SHANK2: variants seen among roughly 807,000 people sequenced by gnomAD.
The protein encoded by SHANK2 is SH3 and multiple ankyrin repeat domains 2.
SHANK2 carries 43 observed loss-of-function variants against 133.7 expected under a neutral mutation model. That is an observed-to-expected ratio of 0.32 (90% CI 0.25 to 0.41). The LOEUF (loss-of-function observed/expected upper bound fraction) is 0.41. Ranked by LOEUF, SHANK2 falls within the 10% of genes least tolerant of loss-of-function variation. The pLI is 1.00. For synonymous variants in SHANK2, 1,017 were observed against 952.8 expected, an observed-to-expected ratio of 1.07 and a Z score of -1.24; for missense variants, 1,994 against 2,235.8, an observed-to-expected ratio of 0.89 and a Z score of 2.18.
intron 8 of SHANK2, among the ~76,000 whole-genome samples, chr11:71,081,667 T>A (rs1434592868): frequency 2.6e-5 from 4 of 152,062 alleles, no homozygotes; most frequent in Non-Finnish European, 5.9e-5. Context: ...GGGTCCTCAT[T>A]CCCTCTGGAG....
chr11:70,708,700 C>T (rs564935027), intron 14 of SHANK2, among the ~76,000 whole-genome samples: 11 of 152,314 alleles, frequency 7.2e-5, no homozygotes, highest in African/African-American at 1.9e-4. Flanking sequence ...GGCTGGGAGC[C>T]GCTCCTCCAA....
chr11:70,582,392 C>T (rs2060196118), intron 17 of SHANK2, among the ~76,000 whole-genome samples: 1 of 152,240 alleles, frequency 6.6e-6, no homozygotes, highest in Non-Finnish European at 1.5e-5. Flanking sequence ...GACGGGAGGG[C>T]TGGGTTGAGA....
At chr11:70,640,365 A>G (rs1591689672) in intron 17 of SHANK2, among the ~76,000 whole-genome samples, 2 of 152,172 alleles carry the variant, frequency 1.3e-5, no homozygotes, top group South Asian at 2.1e-4. Context: ...CGACGCAGCC[A>G]TGAGCCAAGG....
At chr11:70,528,347 C>T (rs1285332894) in intron 17 of SHANK2, among the ~76,000 whole-genome samples, 3 of 152,182 alleles carry the variant, frequency 2.0e-5, no homozygotes, top group Admixed American at 6.5e-5. Context: ...TGGGCTGACG[C>T]GAGGCTCCTT....
At chr11:70,604,421 G>A (rs1416829657) in intron 17 of SHANK2, 1 of 152,504 alleles carries the variant, frequency 6.6e-6, no homozygotes, top group Non-Finnish European at 1.5e-5. Flanking sequence ...CCTCTGAATG[G>A]TTGGGACAGT....
chr11:70,774,696 A>G (rs2135071096), intron 14 of SHANK2, among the ~76,000 whole-genome samples: 1 of 152,258 alleles, frequency 6.6e-6, no homozygotes, highest in African/African-American at 2.4e-5. Context: ...TGTTTGCACA[A>G]TCTCGTGAAT....
chr11:70,718,587 T>C (rs782488371), intron 14 of SHANK2, among the ~76,000 whole-genome samples: 8 of 152,242 alleles, frequency 5.3e-5, no homozygotes, highest in African/African-American at 7.2e-5. Context: ...TCCAAATACC[T>C]GCAAGGACTT....
chr11:71,073,307 T>G (rs1471246055), intron 9 of SHANK2, among the ~76,000 whole-genome samples: 1 of 151,572 alleles, frequency 6.6e-6, no homozygotes, highest in Non-Finnish European at 1.5e-5. Context: ...TACAGGCACA[T>G]GCCATCACAC....
At chr11:71,181,361 C>T (rs1045166231) in intron 2 of SHANK2, among the ~76,000 whole-genome samples, 30 of 152,222 alleles carry the variant, frequency 2.0e-4, no homozygotes, top group Middle Eastern at 3.4e-3. Context: ...CAGCTGGGCA[C>T]GGTGACATGT....
intron 2 of SHANK2, among the ~76,000 whole-genome samples, chr11:71,154,331 G>A (rs1267622703): frequency 1.3e-5 from 2 of 152,178 alleles, no homozygotes; most frequent in Non-Finnish European, 2.9e-5. Context: ...GAAAATTGCC[G>A]TTCTAAGAGC....
At chr11:70,648,163 A>C (rs2061291521) in intron 17 of SHANK2, among the ~76,000 whole-genome samples, 1 of 152,210 alleles carries the variant, frequency 6.6e-6, no homozygotes, top group South Asian at 2.1e-4. Flanking sequence ...GGTTGCCTAG[A>C]GCATGATTCT....
rs545027914 is a variant in SHANK2 at position 70,798,064 on chromosome 11, C to T, written c.1777+379G>A. On this transcript the variant is annotated intron_variant, in intron 14 of 25. Transcript: ENST00000601538. The stretch of plus-strand genomic sequence containing the variant: ...AGGCGTTTGCTACGTGTTCTCAGGG[C>T]GGCACAGGAGCATCTCGCCTGCACA... Among the ~76,000 whole-genome samples, 56 of 152,206 alleles carry T rather than the reference C, an allele frequency of 3.7e-4. 1 individual carries two copies. Among genetic ancestry groups the T allele is most frequent in the South Asian group, 3.1e-3 (15 of 4,818 alleles).
chr11:70,873,625 A>C (rs1949507545), intron 11 of SHANK2, among the ~76,000 whole-genome samples: 1 of 152,258 alleles, frequency 6.6e-6, no homozygotes. Flanking sequence ...GGGTCACTGC[A>C]AAGATGGCAG....
At chr11:71,207,630 T>C (rs368771260) in intron 2 of SHANK2, among the ~76,000 whole-genome samples, 3 of 152,358 alleles carry the variant, frequency 2.0e-5, no homozygotes, top group East Asian at 3.9e-4. Flanking sequence ...CTATTTTCAG[T>C]GCTTTGCTGA....
chr11:70,810,381 G>A lies in SHANK2; in HGVS notation c.1494-3210C>T, dbSNP rs536755099. 2.2e-4 allele frequency among the ~76,000 whole-genome samples: 33 copies of A among 152,364 alleles called. No homozygotes were observed. The East Asian group carries it at 6.2e-3, about 29-fold the overall frequency. ...GGACCGAGAGCTGGGAGGGGTGGGA[G>A]CCTGTACCGCAGGCACTGAGCGTCT... On this transcript the variant is annotated intron_variant, in intron 12 of 25. Coordinates refer to ENST00000601538, the MANE Select transcript of SHANK2 (RefSeq NM_012309.5).
intron 2 of SHANK2, among the ~76,000 whole-genome samples, chr11:71,191,292 G>A (rs1222352367): frequency 1.3e-5 from 2 of 152,272 alleles, no homozygotes; most frequent in East Asian, 3.9e-4. Context: ...GAGACAGGAC[G>A]CTGCATATCA....
chr11:70,937,230 A>G (rs1312282096), intron 10 of SHANK2, among the ~76,000 whole-genome samples: 1 of 152,224 alleles, frequency 6.6e-6, no homozygotes, highest in Non-Finnish European at 1.5e-5. Context: ...AGATGCTCTC[A>G]AAGCTCAAAG....
chr11:70,880,144 C>A (rs782090511), intron 11 of SHANK2, among the ~76,000 whole-genome samples: 2 of 152,224 alleles, frequency 1.3e-5, no homozygotes, highest in Non-Finnish European at 2.9e-5. Flanking sequence ...CCCGAGCTCA[C>A]CTGCTAGCCT....
chr11:70,858,659 G>A (rs1414547192), intron 11 of SHANK2, among the ~76,000 whole-genome samples: 1 of 152,192 alleles, frequency 6.6e-6, no homozygotes, highest in Non-Finnish European at 1.5e-5. Context: ...AAACTTCTTT[G>A]TTAAAACTCC....
Sources: allele counts gnomAD v4.1 joint callset (sites outside exome capture counted in the v4.1 genomes callset), GRCh38; gene constraint gnomAD v4.1.1; transcripts MANE v1.5; gene names NCBI Gene and HGNC (gene_info 2026-07-23, HGNC 2026-07-21).